C8A: variants seen among roughly 807,000 people sequenced by gnomAD.
The protein encoded by C8A is complement component C8 alpha chain.
C8A carries 67 observed loss-of-function variants against 65.3 expected under a neutral mutation model. The observed-to-expected ratio is 1.03, with a 90% CI of 0.84 to 1.26. The LOEUF (loss-of-function observed/expected upper bound fraction) is 1.26, where lower values mean the gene tolerates loss of function less well. C8A is among the 50% of genes most tolerant of loss of function. C8A has a pLI of 0.00. For synonymous variants in C8A, 290 were observed against 259.4 expected (o/e 1.12, Z -1.13); for missense variants, 781 against 723.9 (o/e 1.08, Z -0.90).
chr1:56,868,197 A>C (rs1644110048), intron 2 of C8A, among the ~76,000 whole-genome samples: 1 of 151,940 alleles, frequency 6.6e-6, no homozygotes, highest in Admixed American at 6.6e-5. Context: ...AATAGTTCAA[A>C]ATGATCCCTA....
intron 10 of C8A, among the ~76,000 whole-genome samples, chr1:56,914,483 A>G (rs527751198): frequency 2.0e-5 from 3 of 152,262 alleles, no homozygotes; most frequent in African/African-American, 7.2e-5. Flanking sequence ...GCAAAATTGA[A>G]TTTAAATATT....
At chr1:56,874,385 A>G (rs2101215390) in intron 2 of C8A, among the ~76,000 whole-genome samples, 1 of 152,320 alleles carries the variant, frequency 6.6e-6, no homozygotes, top group South Asian at 2.1e-4. Context: ...GAATTCCAGG[A>G]CCAGAAGAAA....
intron 7 of C8A, among the ~76,000 whole-genome samples, chr1:56,888,505 A>T (rs930536050): frequency 1.3e-5 from 2 of 152,196 alleles, no homozygotes; most frequent in Admixed American, 6.5e-5. Flanking sequence ...ATGGATCACA[A>T]GAAAAATTTT....
intron 7 of C8A, among the ~76,000 whole-genome samples, chr1:56,904,136 A>G (rs1644446516): frequency 2.0e-5 from 3 of 151,662 alleles, no homozygotes. Context: ...CCCACCTCCA[A>G]CTCTTTCTGT....
At chr1:56,902,430 A>T (rs564401895) in intron 7 of C8A, among the ~76,000 whole-genome samples, 78 of 152,312 alleles carry the variant, frequency 5.1e-4, no homozygotes, top group Admixed American at 2.2e-3. Flanking sequence ...TATTTTCAAA[A>T]GGATGTGGCT....
rs201821193 is a variant in C8A at position 56,912,561 on chromosome 1, C to T, written c.1539C>T (p.Thr513=). 5.0e-6 allele frequency: 8 copies of T among 1,614,208 alleles called. No individual in the cohort carries two copies. In the East Asian group the frequency reaches 1.8e-4, roughly 36 times the overall value. ...ATGGGGTGCCCATCCTCGAGGGCAC[C>T]AGCTGCAGGTGCCAGTGCCGCCTGG... ...FNNGVPILEG[T]SCRCQCRLGS... Residue 513 remains threonine (T), a synonymous_variant, in exon 10 of 11, where the codon ACC becomes ACT. Coordinates refer to ENST00000361249, the MANE Select transcript of C8A (RefSeq NM_000562.3).
intron 1 of C8A, among the ~76,000 whole-genome samples, chr1:56,865,828 T>C (rs548404522): frequency 2.0e-5 from 3 of 152,300 alleles, no homozygotes; most frequent in African/African-American, 4.8e-5. Flanking sequence ...TATTAACAGG[T>C]TTGATGTTTA....
rs757752859 is a variant in C8A, at chr1:56,908,074, G to T, written c.1341G>T (p.Gly447=). ...NRSTITYRSW[G]RSLKYNPVVI... The stretch of plus-strand genomic sequence containing the variant: ...GCACCATTACATACCGTTCCTGGGG[G>T]AGGTCATTAAAGTATAATCCTGTTG... The change falls in exon 9 of 11, where the codon GGG becomes GGT. Residue 447 remains glycine (G), a synonymous_variant. Coordinates refer to ENST00000361249, the MANE Select transcript of C8A (RefSeq NM_000562.3). The T allele has an allele frequency of 6.2e-7, 1 of 1,614,174 alleles. No homozygotes were observed. Among genetic ancestry groups the T allele is most frequent in the South Asian group, 1.1e-5 (1 of 91,076 alleles).
chr1:56,901,917 C>T (rs1644429555), intron 7 of C8A, among the ~76,000 whole-genome samples: 1 of 152,154 alleles, frequency 6.6e-6, no homozygotes, highest in South Asian at 2.1e-4. Context: ...ACTCTCAGCT[C>T]ATAGAGGTCA....
At chr1:56,907,393 G>A (rs1053549350) in intron 8 of C8A, among the ~76,000 whole-genome samples, 2 of 152,152 alleles carry the variant, frequency 1.3e-5, no homozygotes, top group African/African-American at 4.8e-5. Flanking sequence ...ATTGCATTAG[G>A]TTACCTGTAC....
chr1:56,885,852 C>G, intron 6 of C8A, 75 bp from the exon 7 acceptor site: 1 of 1,605,092 alleles, frequency 6.2e-7, no homozygotes, highest in East Asian at 2.2e-5. Context: ...ACCCAGAGAC[C>G]TTTTGCATTA....
chr1:56,892,872 A>G (rs1036984236), intron 7 of C8A, among the ~76,000 whole-genome samples: 1 of 152,140 alleles, frequency 6.6e-6, no homozygotes, highest in Non-Finnish European at 1.5e-5. Context: ...CTGATGGGAC[A>G]CCTCTATCAG....
At chr1:56,911,811 A>G (rs1040445091) in intron 9 of C8A, among the ~76,000 whole-genome samples, 2 of 141,202 alleles carry the variant, frequency 1.4e-5, no homozygotes, top group Non-Finnish European at 3.1e-5. Flanking sequence ...CTCAGCAATG[A>G]CAACAACACT....
At chr1:56,873,586 A>G (rs1644168856) in intron 2 of C8A, among the ~76,000 whole-genome samples, 1 of 152,186 alleles carries the variant, frequency 6.6e-6, no homozygotes, top group Non-Finnish European at 1.5e-5. Context: ...AAACTGAGCC[A>G]CAAAGTACCA....
chr1:56,878,531 T>G (rs1409367717), intron 4 of C8A, among the ~76,000 whole-genome samples: 3 of 152,188 alleles, frequency 2.0e-5, no homozygotes, highest in Admixed American at 2.0e-4. Flanking sequence ...ATACTGAAAC[T>G]GGTAAAATGG....
intron 7 of C8A, among the ~76,000 whole-genome samples, chr1:56,896,513 T>C (rs1208174919): frequency 2.0e-5 from 3 of 152,168 alleles, no homozygotes; most frequent in Non-Finnish European, 2.9e-5. Context: ...TCTTCTCTTA[T>C]TCAGAGGAAG....
At position 56,881,566 on chromosome 1, in the gene C8A, C is replaced by T. The variant is rs142286739; in HGVS notation, c.586C>T (p.Arg196Cys). The T allele has an allele frequency of 1.4e-5, 22 of 1,613,650 alleles. No individual in the cohort carries two copies. Among genetic ancestry groups the T allele is most frequent in the Non-Finnish European group, 1.8e-5 (21 of 1,179,780 alleles). ...GCTTCGATATGACTCCACCTGTGAA[C>T]GTCTCTACTATGGAGATGATGAGAA... Reference protein sequence around the residue: ...RELRYDSTCERLYYGDDEKYF... With the variant: ...RELRYDSTCECLYYGDDEKYF... Residue 196 changes from arginine (R) to cysteine (C), a missense_variant, in exon 5 of 11, where the codon CGT becomes TGT. Coordinates refer to ENST00000361249, the MANE Select transcript of C8A (RefSeq NM_000562.3).
intron 1 of C8A, among the ~76,000 whole-genome samples, chr1:56,864,534 G>T (rs1429688780): frequency 6.6e-6 from 1 of 152,158 alleles, no homozygotes; most frequent in Non-Finnish European, 1.5e-5. Context: ...CTATTCACAG[G>T]TGATTCATGA....
intron 7 of C8A, among the ~76,000 whole-genome samples, chr1:56,899,072 A>G (rs1644406232): frequency 6.6e-6 from 1 of 152,118 alleles, no homozygotes; most frequent in African/African-American, 2.4e-5. Flanking sequence ...CCCAGTTACC[A>G]TGACAACCAG....
Sources: gnomAD v4.1 joint callset for allele counts (sites outside exome capture counted in the v4.1 genomes callset) on GRCh38, gnomAD v4.1.1 for gene constraint, MANE v1.5 for transcripts, NCBI Gene and HGNC (gene_info 2026-07-23, HGNC 2026-07-21) for gene names.